The following UBL3 variants were observed in gnomAD, a reference collection of about 807,000 sequenced individuals.
The protein encoded by UBL3 is ubiquitin-like protein 3.
In UBL3, 6 loss-of-function variants were observed where a neutral mutation model predicts 18.4. That is an observed-to-expected ratio of 0.33 (90% confidence interval 0.18 to 0.64). The LOEUF (loss-of-function observed/expected upper bound fraction) is 0.64. Among genes scored for constraint, UBL3 ranks in the 30% least tolerant of loss-of-function variants. The pLI is 0.76. For synonymous variants in UBL3, 49 were observed against 46.6 expected, an observed-to-expected ratio of 1.05 and a Z score of -0.21; for missense variants, 109 against 142.9, an observed-to-expected ratio of 0.76 and a Z score of 1.21.
In UBL3 at chr13:29,767,155, G is replaced by T; in HGVS notation, c.*100C>A. On this transcript the variant is annotated 3_prime_UTR_variant, in exon 5 of 5. Transcript: ENST00000380680. ...GTAATTCAGTTCCATGTGTTTACAG[G>T]CAGACTGTTCTGAACGGTTTCTGAA... is the stretch of plus-strand genomic sequence containing the variant. The T allele has an allele frequency of 7.8e-7, 1 of 1,276,990 alleles. No individual in the cohort carries two copies. Among genetic ancestry groups the T allele is most frequent in the Non-Finnish European group, 1.1e-6 (1 of 901,200 alleles). 79.1% of individuals were successfully genotyped at this position (1,276,990 alleles called of 1,614,324 possible).
intron 2 of UBL3, among the ~76,000 whole-genome samples, chr13:29,776,769 G>A (rs1431468577): frequency 1.3e-5 from 2 of 149,852 alleles, no homozygotes; most frequent in African/African-American, 4.9e-5. Context: ...TACTCGGGAG[G>A]CTGAGGTAGG....
At chr13:29,786,162 A>G (rs1434479335) in intron 1 of UBL3, among the ~76,000 whole-genome samples, 1 of 152,156 alleles carries the variant, frequency 6.6e-6, no homozygotes, top group Non-Finnish European at 1.5e-5. Flanking sequence ...AGCCCACAGC[A>G]CCTAGCTACC....
chr13:29,785,857 G>C (rs769144396), intron 1 of UBL3, among the ~76,000 whole-genome samples: 2 of 152,128 alleles, frequency 1.3e-5, no homozygotes, highest in East Asian at 1.9e-4. Context: ...GGGATAGTTA[G>C]GATATGTAAT....
At chr13:29,848,576 G>A (rs577046273) in intron 1 of UBL3, among the ~76,000 whole-genome samples, 1 of 152,116 alleles carries the variant, frequency 6.6e-6, no homozygotes, top group African/African-American at 2.4e-5. Flanking sequence ...TAACATATGT[G>A]AGCACAACTA....
intron 1 of UBL3, among the ~76,000 whole-genome samples, chr13:29,788,218 C>T (rs566180665): frequency 6.6e-6 from 1 of 152,234 alleles, no homozygotes; most frequent in Non-Finnish European, 1.5e-5. Context: ...TTAGCCTTAC[C>T]ATTATTTGAG....
intron 1 of UBL3, among the ~76,000 whole-genome samples, chr13:29,830,828 G>C (rs887418410): frequency 3.9e-5 from 6 of 152,174 alleles, no homozygotes; most frequent in African/African-American, 1.4e-4. Context: ...TCTATGCCTA[G>C]CATATCAGTA....
intron 1 of UBL3, among the ~76,000 whole-genome samples, chr13:29,829,182 T>C (rs1478517821): frequency 6.6e-6 from 1 of 152,148 alleles, no homozygotes; most frequent in African/African-American, 2.4e-5. Flanking sequence ...GATCTGAAAC[T>C]CCGTGCTGGG....
intron 1 of UBL3, among the ~76,000 whole-genome samples, chr13:29,806,458 A>G (rs1877901351): frequency 1.3e-5 from 2 of 152,174 alleles, no homozygotes; most frequent in Admixed American, 1.3e-4. Context: ...GCTGCTGAAA[A>G]TATGCTCCCC....
chr13:29,780,971 C>A (rs532956209), intron 1 of UBL3, among the ~76,000 whole-genome samples: 1 of 152,072 alleles, frequency 6.6e-6, no homozygotes, highest in Non-Finnish European at 1.5e-5. Flanking sequence ...GTCAGGAGTT[C>A]GAGACCAGCC....
At chr13:29,787,170 G>GT (rs558390209) in intron 1 of UBL3, among the ~76,000 whole-genome samples, 35 of 148,652 alleles carry the variant, frequency 2.4e-4, no homozygotes, top group South Asian at 6.4e-4. Context: ...TATGTAAACT[G>GT]TTTTTTTTTT....
chr13:29,797,620 G>GT (rs1428511305), intron 1 of UBL3, among the ~76,000 whole-genome samples: 1 of 152,032 alleles, frequency 6.6e-6, no homozygotes, highest in African/African-American at 2.4e-5. Context: ...GGCACATTAC[G>GT]TAAGTGTTGA....
intron 1 of UBL3, among the ~76,000 whole-genome samples, chr13:29,815,501 G>A (rs1227749583): frequency 6.6e-6 from 1 of 152,118 alleles, no homozygotes; most frequent in Non-Finnish European, 1.5e-5. Context: ...GTGAGGTCTA[G>A]AAGCCAAGGA....
chr13:29,803,944 C>A (rs746779164), intron 1 of UBL3, among the ~76,000 whole-genome samples: 8 of 151,770 alleles, frequency 5.3e-5, no homozygotes, highest in Non-Finnish European at 1.2e-4. Flanking sequence ...AAAGACCTAA[C>A]AGACATCTAC....
Position 29,804,224 on chromosome 13 carries a change from G to C in UBL3, c.28-26961C>G, listed in dbSNP as rs1283859143. Among the ~76,000 whole-genome samples the C allele has an allele frequency of 2.0e-5, 3 of 152,056 alleles. No individual in the cohort carries two copies. In the South Asian group the frequency reaches 6.2e-4, roughly 32 times the overall value. On this transcript the variant is annotated intron_variant, in intron 1 of 4. Transcript: ENST00000380680. ...CAACCTACTCCTGAATGACCTTTGGGTAAACAATAAAATTAAGGCAGACAT... is the reference window on the plus strand; with the variant it reads ...CAACCTACTCCTGAATGACCTTTGGCTAAACAATAAAATTAAGGCAGACAT...
chr13:29,835,623 T>C (rs1322185215), intron 1 of UBL3, among the ~76,000 whole-genome samples: 1 of 151,460 alleles, frequency 6.6e-6, no homozygotes, highest in Non-Finnish European at 1.5e-5. Flanking sequence ...GGTGCGGTGG[T>C]GCGTGCCTGT....
At chr13:29,849,379 C>T (rs1031545754) in intron 1 of UBL3, 133 bp downstream of exon 1, 9 of 1,217,040 alleles carry the variant, frequency 7.4e-6, no homozygotes, top group African/African-American at 1.5e-5. Flanking sequence ...GAAGCTCCAA[C>T]TTCTCCAAAT....
intron 1 of UBL3, among the ~76,000 whole-genome samples, chr13:29,844,744 T>C (rs1296372109): frequency 6.6e-6 from 1 of 152,154 alleles, no homozygotes; most frequent in Non-Finnish European, 1.5e-5. Context: ...ATTTACTAAG[T>C]ATATGCTTCA....
chr13:29,770,145 T>A lies in UBL3; in HGVS notation c.223+1967A>T, dbSNP rs9314977. On this transcript the variant is annotated intron_variant, in intron 3 of 4. Coordinates refer to ENST00000380680, the MANE Select transcript of UBL3 (RefSeq NM_007106.4). Reference sequence around the variant, plus strand: ...CAAAGCCTTCTTCCACACAGGCCACTCAAATATTTAAAGATGGTTGTATTT... The same window carrying A: ...CAAAGCCTTCTTCCACACAGGCCACACAAATATTTAAAGATGGTTGTATTT... 3.9e-5 allele frequency among the ~76,000 whole-genome samples: 6 copies of A among 152,030 alleles called. 1 individual carries two copies. The Middle Eastern group carries it at 0.01, about 259-fold the overall frequency.
At chr13:29,832,004 G>A (rs1878789163) in intron 1 of UBL3, among the ~76,000 whole-genome samples, 1 of 152,130 alleles carries the variant, frequency 6.6e-6, no homozygotes, top group Non-Finnish European at 1.5e-5. Flanking sequence ...ATAGACACAA[G>A]TAGCCCAGCA....
Sources: allele counts gnomAD v4.1 joint callset (sites outside exome capture counted in the v4.1 genomes callset), GRCh38; gene constraint gnomAD v4.1.1; transcripts MANE v1.5; gene names NCBI Gene and HGNC (gene_info 2026-07-23, HGNC 2026-07-21).